PRKCE: variants seen among roughly 807,000 people sequenced by gnomAD.
The protein encoded by PRKCE is protein kinase C epsilon.
A neutral mutation model predicts 85.4 loss-of-function variants in PRKCE; 16 were observed. The ratio of observed to expected loss-of-function variants is 0.19; its 90% CI spans 0.13 to 0.28. The LOEUF (loss-of-function observed/expected upper bound fraction) is 0.28. Ranked by LOEUF, PRKCE falls within the 10% of genes least tolerant of loss-of-function variation. The pLI is 1.00. For missense variants in PRKCE, 573 were observed against 975.2 expected (o/e 0.59, Z 5.49); for synonymous variants, 388 against 371.5 (o/e 1.04, Z -0.51).
intron 11 of PRKCE, among the ~76,000 whole-genome samples, chr2:46,124,681 C>G (rs538779297): frequency 8.3e-4 from 127 of 152,278 alleles, no homozygotes; most frequent in African/African-American, 3.0e-3. Flanking sequence ...GTACCCAACA[C>G]TTCACTCATC....
At chr2:45,733,104 C>A (rs778673056) in intron 1 of PRKCE, among the ~76,000 whole-genome samples, 1 of 152,154 alleles carries the variant, frequency 6.6e-6, no homozygotes, top group African/African-American at 2.4e-5. Context: ...CCTGGGGCTG[C>A]GGTTTACTGG....
chr2:45,790,136 G>A (rs1477896681), intron 1 of PRKCE, among the ~76,000 whole-genome samples: 1 of 152,178 alleles, frequency 6.6e-6, no homozygotes, highest in Non-Finnish European at 1.5e-5. Context: ...CAGCTCTTCA[G>A]TATTGTCTAC....
chr2:45,759,610 G>A (rs773645426), intron 1 of PRKCE, among the ~76,000 whole-genome samples: 2 of 152,206 alleles, frequency 1.3e-5, no homozygotes, highest in East Asian at 1.9e-4. Context: ...AGACCTCCAC[G>A]TAGCTGTAAT....
chr2:45,831,989 C>G (rs958514122), intron 1 of PRKCE, among the ~76,000 whole-genome samples: 6 of 152,096 alleles, frequency 3.9e-5, no homozygotes, highest in Non-Finnish European at 5.9e-5. Flanking sequence ...TATATTTAAA[C>G]TAAATGATTT....
At chr2:46,056,131 A>G (rs1666560772) in intron 10 of PRKCE, among the ~76,000 whole-genome samples, 1 of 152,216 alleles carries the variant, frequency 6.6e-6, no homozygotes, top group South Asian at 2.1e-4. Flanking sequence ...GGACTGAATC[A>G]AGTATACCCA....
chr2:45,777,705 G>A (rs780658631), intron 1 of PRKCE, among the ~76,000 whole-genome samples: 3 of 152,138 alleles, frequency 2.0e-5, no homozygotes. Context: ...AAGGTCATAC[G>A]GTTCGGGAAA....
intron 2 of PRKCE, among the ~76,000 whole-genome samples, chr2:45,947,730 T>C (rs1349281513): frequency 6.6e-6 from 1 of 152,200 alleles, no homozygotes; most frequent in Non-Finnish European, 1.5e-5. Flanking sequence ...TTCCAATTGA[T>C]AGGCACTTAG....
intron 1 of PRKCE, among the ~76,000 whole-genome samples, chr2:45,737,857 C>G (rs1314251486): frequency 1.3e-5 from 2 of 152,244 alleles, no homozygotes; most frequent in African/African-American, 2.4e-5. Flanking sequence ...ACCTGGACAT[C>G]GCCCCAAGTT....
At chr2:45,875,069 G>C (rs571022334) in intron 2 of PRKCE, among the ~76,000 whole-genome samples, 1 of 152,038 alleles carries the variant, frequency 6.6e-6, no homozygotes, top group Non-Finnish European at 1.5e-5. Flanking sequence ...ACCCCACCAG[G>C]TGCCTCCAGT....
At chr2:45,980,178 G>A (rs886410259) in intron 4 of PRKCE, 118 bp from the exon 5 acceptor site, 11 of 827,678 alleles carry the variant, frequency 1.3e-5, no homozygotes, top group Non-Finnish European at 1.9e-5. Context: ...TTAAATTAAG[G>A]CTCAGTGGCA....
At chr2:46,098,368 G>T (rs1183367374) in intron 11 of PRKCE, among the ~76,000 whole-genome samples, 1 of 152,126 alleles carries the variant, frequency 6.6e-6, no homozygotes, top group African/African-American at 2.4e-5. Flanking sequence ...ATGAGAGTTA[G>T]TACAAGTAAA....
intron 6 of PRKCE, among the ~76,000 whole-genome samples, chr2:45,997,347 C>G (rs546142157): frequency 1.3e-5 from 2 of 152,028 alleles, no homozygotes; most frequent in South Asian, 4.2e-4. Flanking sequence ...TTTCTTTTCT[C>G]CTGCTTACTT....
intron 14 of PRKCE, among the ~76,000 whole-genome samples, chr2:46,164,147 G>T (rs1291461721): frequency 6.6e-6 from 1 of 152,206 alleles, no homozygotes; most frequent in East Asian, 1.9e-4. Flanking sequence ...GGGAAAACTG[G>T]TTTAGATCCC....
At chr2:45,851,612 C>G (rs1692264198) in intron 2 of PRKCE, 2 of 152,090 alleles carry the variant, frequency 1.3e-5, no homozygotes, top group Admixed American at 6.5e-5. Flanking sequence ...TGTGCATGAG[C>G]TATTAATTTT....
intron 2 of PRKCE, among the ~76,000 whole-genome samples, chr2:45,916,214 C>G (rs1012676847): frequency 1.2e-4 from 18 of 149,630 alleles, no homozygotes; most frequent in African/African-American, 4.4e-4. Flanking sequence ...ACTAGTTCTT[C>G]TATATTCTTC....
intron 11 of PRKCE, among the ~76,000 whole-genome samples, chr2:46,091,117 T>A (rs1670122753): frequency 6.7e-6 from 1 of 149,744 alleles, no homozygotes; most frequent in Non-Finnish European, 1.5e-5. Flanking sequence ...TGTCTCTGTG[T>A]CCCCTGCTGG....
At position 46,086,351 on chromosome 2, in the gene PRKCE, A is replaced by T; in HGVS notation, c.1581A>T (p.Gly527=). The T allele has an allele frequency of 6.3e-7, 1 of 1,599,102 alleles. No individual in the cohort carries two copies. Among genetic ancestry groups the T allele is most frequent in the Non-Finnish European group, 8.5e-7 (1 of 1,179,556 alleles). Residue 527 remains glycine, a synonymous_variant, in exon 11 of 15, where the codon GGA becomes GGT. Transcript: ENST00000306156. ...TSALMFLHQH[G]VIYRDLKLDN... ...CCCTCATGTTCCTCCACCAGCATGG[A>T]GTCATCTACAGGTAGCCTCTTCTCT... is the stretch of plus-strand genomic sequence containing the variant.
At chr2:45,833,178 CTG>C (rs1241186606) in intron 1 of PRKCE, among the ~76,000 whole-genome samples, 1 of 150,432 alleles carries the variant, frequency 6.6e-6, no homozygotes, top group East Asian at 1.9e-4. Flanking sequence ...GAAAAAATAA[CTG>C]AATATTTTTT....
At chr2:46,048,905 C>T (rs951719048) in intron 10 of PRKCE, among the ~76,000 whole-genome samples, 7 of 152,156 alleles carry the variant, frequency 4.6e-5, no homozygotes, top group Admixed American at 1.3e-4. Context: ...TCCTATAGCT[C>T]TGTATGGGGC....
Sources: allele counts gnomAD v4.1 joint callset (sites outside exome capture counted in the v4.1 genomes callset), GRCh38; gene constraint gnomAD v4.1.1; transcripts MANE v1.5; gene names NCBI Gene and HGNC (gene_info 2026-07-23, HGNC 2026-07-21).